The following DGKB variants were observed in gnomAD, a reference collection of about 807,000 sequenced individuals.
DGKB encodes the protein 90 kDa diacylglycerol kinase.
A neutral mutation model predicts 114.3 loss-of-function variants in DGKB; 67 were observed. The ratio of observed to expected loss-of-function variants is 0.59; its 90% CI spans 0.48 to 0.72. DGKB has a LOEUF of 0.72. Among genes scored for constraint, DGKB ranks in the 30% least tolerant of loss-of-function variants. The pLI is 0.00. For missense variants in DGKB, 907 were observed against 975.2 expected (o/e 0.93, Z 0.93); for synonymous variants, 398 against 323.1 (o/e 1.23, Z -2.49).
At chr7:14,541,855 C>T (rs1259720043) in intron 20 of DGKB, among the ~76,000 whole-genome samples, 2 of 152,126 alleles carry the variant, frequency 1.3e-5, no homozygotes, top group Admixed American at 6.5e-5. Flanking sequence ...AATTTCAATG[C>T]CAAATTCATT....
chr7:14,931,941 C>G (rs1337525718), intron 1 of DGKB, among the ~76,000 whole-genome samples: 2 of 152,278 alleles, frequency 1.3e-5, no homozygotes, highest in Admixed American at 1.3e-4. Context: ...ATTCCCTGCT[C>G]AAGCCCTGGT....
intron 23 of DGKB, among the ~76,000 whole-genome samples, chr7:14,269,898 A>T (rs1156559164): frequency 1.3e-5 from 2 of 152,134 alleles, no homozygotes; most frequent in East Asian, 3.8e-4. Context: ...ATATTCAATT[A>T]TCTGTATTAA....
chr7:14,701,906 T>A (rs1456852318), intron 6 of DGKB, among the ~76,000 whole-genome samples, 176 bp from the exon 7 acceptor site: 2 of 122,200 alleles, frequency 1.6e-5, no homozygotes, highest in Admixed American at 1.8e-4. Context: ...AATTAATTAG[T>A]TAATAGAAAT....
intron 2 of DGKB, among the ~76,000 whole-genome samples, chr7:14,793,786 T>C (rs1029900074): frequency 2.6e-5 from 4 of 152,088 alleles, no homozygotes; most frequent in African/African-American, 7.2e-5. Flanking sequence ...TTAAGCGTTA[T>C]TTTTGGGTGT....
At chr7:14,925,911 T>C (rs1377434898) in intron 1 of DGKB, among the ~76,000 whole-genome samples, 1 of 151,978 alleles carries the variant, frequency 6.6e-6, no homozygotes, top group African/African-American at 2.4e-5. Context: ...TTTTCTTCAG[T>C]TTATCACAGT....
intron 21 of DGKB, among the ~76,000 whole-genome samples, chr7:14,367,591 C>T (rs931397164): frequency 6.6e-6 from 1 of 151,866 alleles, no homozygotes; most frequent in African/African-American, 2.4e-5. Context: ...TGAGAATGGA[C>T]TAATACACTA....
chr7:14,164,590 G>A (rs2128228159), intron 25 of DGKB, among the ~76,000 whole-genome samples: 2 of 152,246 alleles, frequency 1.3e-5, no homozygotes, highest in South Asian at 4.1e-4. Context: ...ATGTAATTAT[G>A]AAAGTTAAAC....
intron 4 of DGKB, among the ~76,000 whole-genome samples, chr7:14,746,906 C>G (rs1193384447): frequency 6.6e-6 from 1 of 151,822 alleles, no homozygotes; most frequent in Non-Finnish European, 1.5e-5. Context: ...ATTTCTGTGT[C>G]AGATAACAGA....
rs186369237 is a variant in DGKB at position 14,881,021 on chromosome 7, G to A, written c.-188+21571C>T. On this transcript the variant is annotated intron_variant, in intron 1 of 25. Transcript: ENST00000402815. ...TGAGGCTGTTAGGCCAAAGATTATAGGAAATTTGAATTTTAATAAGTTATG... is the reference window on the plus strand; with the variant it reads ...TGAGGCTGTTAGGCCAAAGATTATAAGAAATTTGAATTTTAATAAGTTATG... Among the ~76,000 whole-genome samples the A allele has an allele frequency of 1.4e-4, 21 of 152,096 alleles. 1 individual carries two copies. In the East Asian group the frequency reaches 4.1e-3, roughly 29 times the overall value.
chr7:14,332,824 G>C (rs1809964434), intron 23 of DGKB, among the ~76,000 whole-genome samples: 1 of 152,114 alleles, frequency 6.6e-6, no homozygotes, highest in South Asian at 2.1e-4. Flanking sequence ...TGAAATCACT[G>C]AAAACTGTCT....
chr7:14,862,327 C>A (rs1391564661), intron 1 of DGKB, among the ~76,000 whole-genome samples: 1 of 151,968 alleles, frequency 6.6e-6, no homozygotes, highest in Non-Finnish European at 1.5e-5. Flanking sequence ...CTAAATGTTA[C>A]CCTCTTATCA....
intron 23 of DGKB, among the ~76,000 whole-genome samples, chr7:14,304,046 A>AACACACACACACAC (rs773102280): frequency 4.8e-4 from 54 of 112,710 alleles, no homozygotes; most frequent in African/African-American, 1.5e-3. Context: ...GTTCTTATAG[A>AACACACACACACAC]ACACACACAC....
At chr7:14,760,452 G>A (rs1314893883) in intron 2 of DGKB, among the ~76,000 whole-genome samples, 2 of 151,996 alleles carry the variant, frequency 1.3e-5, no homozygotes, top group African/African-American at 4.8e-5. Context: ...ACTGCAGAGA[G>A]AGACCAAACT....
chr7:14,479,395 T>C (rs565971345), intron 20 of DGKB, among the ~76,000 whole-genome samples: 2 of 152,252 alleles, frequency 1.3e-5, no homozygotes, highest in East Asian at 3.9e-4. Context: ...ACTGTAATTT[T>C]TTTTCTGTAT....
intron 17 of DGKB, among the ~76,000 whole-genome samples, chr7:14,606,038 T>C (rs1305745788): frequency 6.6e-6 from 1 of 152,146 alleles, no homozygotes; most frequent in Non-Finnish European, 1.5e-5. Flanking sequence ...TGGATTAACT[T>C]GGTTTGATTC....
intron 1 of DGKB, among the ~76,000 whole-genome samples, chr7:14,847,062 G>C (rs766187273): frequency 2.3e-4 from 35 of 152,054 alleles, no homozygotes; most frequent in African/African-American, 6.8e-4. Flanking sequence ...AGGCCGAGGC[G>C]GGCGGATCAC....
intron 21 of DGKB, among the ~76,000 whole-genome samples, chr7:14,476,099 G>GT (rs1472873349): frequency 6.6e-6 from 1 of 151,568 alleles, no homozygotes; most frequent in African/African-American, 2.4e-5. Context: ...TTCGTTTTTT[G>GT]CTTGAAACCT....
At chr7:14,375,399 G>A (rs1467232018) in intron 21 of DGKB, among the ~76,000 whole-genome samples, 2 of 151,814 alleles carry the variant, frequency 1.3e-5, no homozygotes, top group Non-Finnish European at 2.9e-5. Context: ...CATGTACTAT[G>A]TGCTTTACAT....
intron 23 of DGKB, among the ~76,000 whole-genome samples, chr7:14,260,354 A>T (rs576438108): frequency 6.6e-6 from 1 of 152,322 alleles, no homozygotes; most frequent in South Asian, 2.1e-4. Context: ...TTCCCAGGTG[A>T]AGAGTTTTCC....
Sources: gnomAD v4.1 joint callset for allele counts (sites outside exome capture counted in the v4.1 genomes callset) on GRCh38, gnomAD v4.1.1 for gene constraint, MANE v1.5 for transcripts, NCBI Gene and HGNC (gene_info 2026-07-23, HGNC 2026-07-21) for gene names.